CDIN1: variants seen among roughly 807,000 people sequenced by gnomAD.
CDIN1 encodes the protein CDAN1-interacting nuclease 1.
Under a neutral mutation model 45.3 loss-of-function variants are expected in CDIN1, and 33 were observed. The observed-to-expected ratio is 0.73, with a 90% CI of 0.55 to 0.97. The LOEUF is 0.97. CDIN1 is among the 50% of genes least tolerant of loss of function. The probability of loss-of-function intolerance (pLI) is 0.00; values close to 1 mark genes in which losing one functional copy is unlikely to be tolerated. For synonymous variants in CDIN1, 118 were observed against 124.4 expected (o/e 0.95, Z 0.34); for missense variants, 303 against 339.4 (o/e 0.89, Z 0.84).
intron 7 of CDIN1, among the ~76,000 whole-genome samples, chr15:36,695,139 T>C (rs1344945933): frequency 6.6e-6 from 1 of 152,252 alleles, no homozygotes; most frequent in Non-Finnish European, 1.5e-5. Flanking sequence ...GCCACATCTC[T>C]TGAATTCTAA....
At chr15:36,690,429 C>T (rs1350765317) in intron 5 of CDIN1, among the ~76,000 whole-genome samples, 1 of 151,952 alleles carries the variant, frequency 6.6e-6, no homozygotes, top group Admixed American at 6.6e-5. Context: ...CCACCACACC[C>T]TGCTAATTTT....
intron 3 of CDIN1, among the ~76,000 whole-genome samples, chr15:36,645,719 A>G (rs1055775558): frequency 1.3e-5 from 2 of 152,204 alleles, no homozygotes; most frequent in East Asian, 3.9e-4. Context: ...TTGAATTTGG[A>G]TGTCATTTTA....
intron 10 of CDIN1, chr15:36,799,300 C>T (rs2054930186): frequency 6.6e-6 from 1 of 152,106 alleles, no homozygotes; most frequent in Admixed American, 6.6e-5. Context: ...GTTTCTATGT[C>T]TTTTGCTATG....
At chr15:36,776,490 T>C (rs2054220756) in intron 10 of CDIN1, among the ~76,000 whole-genome samples, 1 of 152,028 alleles carries the variant, frequency 6.6e-6, no homozygotes, top group East Asian at 1.9e-4. Context: ...GAATCCTTGT[T>C]CTATGCCAGT....
chr15:36,768,261 A>C (rs982839624), intron 10 of CDIN1, among the ~76,000 whole-genome samples: 2 of 152,212 alleles, frequency 1.3e-5, no homozygotes, highest in African/African-American at 4.8e-5. Flanking sequence ...CTCTGCATGG[A>C]GGGGCCTGAC....
chr15:36,685,919 G>A (rs1358502523), intron 5 of CDIN1, among the ~76,000 whole-genome samples: 4 of 151,952 alleles, frequency 2.6e-5, no homozygotes, highest in Non-Finnish European at 5.9e-5. Flanking sequence ...AACAGGTGCT[G>A]GAGATGATGT....
At chr15:36,804,113 GATA>G (rs2055141743) in intron 10 of CDIN1, among the ~76,000 whole-genome samples, 1 of 151,984 alleles carries the variant, frequency 6.6e-6, no homozygotes, top group South Asian at 2.1e-4. Flanking sequence ...GTAGAACAGG[GATA>G]ATAATTGTAC....
intron 3 of CDIN1, among the ~76,000 whole-genome samples, chr15:36,646,936 T>G (rs1368839941): frequency 6.6e-6 from 1 of 152,150 alleles, no homozygotes; most frequent in Non-Finnish European, 1.5e-5. Context: ...AAATCTAAGT[T>G]TCATTAAAAA....
chr15:36,756,987 C>T (rs2053626402), intron 10 of CDIN1, among the ~76,000 whole-genome samples: 2 of 152,096 alleles, frequency 1.3e-5, no homozygotes, highest in Non-Finnish European at 2.9e-5. Context: ...GGAGATGAGG[C>T]AATTTCAACG....
At chr15:36,735,996 G>C (rs2044003619) in intron 10 of CDIN1, among the ~76,000 whole-genome samples, 3 of 152,116 alleles carry the variant, frequency 2.0e-5, no homozygotes, top group African/African-American at 7.2e-5. Context: ...CTAAGAGTTT[G>C]GTGTTAAGAA....
At chr15:36,596,083 T>A (rs144395809) in intron 1 of CDIN1, among the ~76,000 whole-genome samples, 13 of 152,296 alleles carry the variant, frequency 8.5e-5, no homozygotes, top group African/African-American at 3.1e-4. Context: ...AAGACCATGC[T>A]GGCAGCTAGG....
chr15:36,763,448 G>A (rs1206243204), intron 10 of CDIN1, among the ~76,000 whole-genome samples: 1 of 152,122 alleles, frequency 6.6e-6, no homozygotes, highest in Non-Finnish European at 1.5e-5. Context: ...TTCTAGGACA[G>A]CTGTGCTTTG....
At chr15:36,638,252 A>G (rs1189342838) in intron 1 of CDIN1, among the ~76,000 whole-genome samples, 1 of 152,254 alleles carries the variant, frequency 6.6e-6, no homozygotes, top group Non-Finnish European at 1.5e-5. Context: ...ATTCATACAC[A>G]TCAGACATAG....
At chr15:36,685,326 T>C (rs1359372635) in intron 5 of CDIN1, among the ~76,000 whole-genome samples, 1 of 152,014 alleles carries the variant, frequency 6.6e-6, no homozygotes, top group East Asian at 1.9e-4. Context: ...TCTGCCTTCA[T>C]TTCGTTATGT....
chr15:36,758,805 TA>T (rs1219271461), intron 10 of CDIN1, among the ~76,000 whole-genome samples: 1 of 152,196 alleles, frequency 6.6e-6, no homozygotes, highest in Non-Finnish European at 1.5e-5. Flanking sequence ...GATTCCTTTC[TA>T]AACATAATAC....
At chr15:36,647,050 GTCTC>G (rs1452372787) in intron 3 of CDIN1, among the ~76,000 whole-genome samples, 3 of 125,578 alleles carry the variant, frequency 2.4e-5, no homozygotes, top group African/African-American at 9.1e-5. Context: ...TTGAGACAGT[GTCTC>G]TCTCTGTCAC....
intron 5 of CDIN1, among the ~76,000 whole-genome samples, chr15:36,663,100 T>C (rs1015700361): frequency 6.6e-6 from 1 of 152,028 alleles, no homozygotes; most frequent in African/African-American, 2.4e-5. Context: ...TTTGTAGAAT[T>C]AGAGGAAGCC....
chr15:36,740,510 T>A (rs2044196800), intron 10 of CDIN1, among the ~76,000 whole-genome samples: 1 of 152,180 alleles, frequency 6.6e-6, no homozygotes, highest in Non-Finnish European at 1.5e-5. Context: ...GAAACAGCCC[T>A]GCTCAGCTCA....
chr15:36,647,302 C>T (rs528179270), intron 3 of CDIN1, among the ~76,000 whole-genome samples: 22 of 152,108 alleles, frequency 1.4e-4, no homozygotes, highest in Non-Finnish European at 2.4e-4. Flanking sequence ...TGGGATTACA[C>T]GCCTGAGCCA....
Sources: gnomAD v4.1 joint callset for allele counts (sites outside exome capture counted in the v4.1 genomes callset) on GRCh38, gnomAD v4.1.1 for gene constraint, MANE v1.5 for transcripts, NCBI Gene and HGNC (gene_info 2026-07-23, HGNC 2026-07-21) for gene names.